The following B3GALNT1 variants were observed in gnomAD, a reference collection of about 807,000 sequenced individuals.
B3GALNT1 encodes the protein beta-1,3-N-acetylgalactosaminyltransferase 1 (Globoside blood group), also known as UDP-GalNAc:beta-1,3-N-acetylgalactosaminyltransferase 1.
A neutral mutation model predicts 27.3 loss-of-function variants in B3GALNT1; 17 were observed. That is an observed-to-expected ratio of 0.62 (90% CI 0.43 to 0.94). The LOEUF (loss-of-function observed/expected upper bound fraction) is 0.94, where lower values mean the gene tolerates loss of function less well. Ranked by LOEUF, B3GALNT1 falls within the 40% of genes least tolerant of loss-of-function variation. The pLI is 0.00. For missense variants in B3GALNT1, 347 were observed against 390.0 expected (o/e 0.89, Z 0.93); for synonymous variants, 141 against 144.0 (o/e 0.98, Z 0.15).
At position 161,085,689 on chromosome 3, in the gene B3GALNT1, A is replaced by G; in HGVS notation, c.*70T>C. 6.4e-7 allele frequency: 1 copy of G among 1,568,280 alleles called. No homozygotes were observed. Among genetic ancestry groups the G allele is most frequent in the South Asian group, 1.1e-5 (1 of 89,658 alleles). ...ACACTGACCTCCCCATGAATTTTCCACAGTACCTACTTTATTTAACACTTT... is the reference window on the plus strand; with the variant it reads ...ACACTGACCTCCCCATGAATTTTCCGCAGTACCTACTTTATTTAACACTTT... On this transcript the variant is annotated 3_prime_UTR_variant, in exon 5 of 5. Transcript: ENST00000320474.
At chr3:161,091,348 C>A (rs149220050) in intron 4 of B3GALNT1, among the ~76,000 whole-genome samples, 2 of 152,256 alleles carry the variant, frequency 1.3e-5, no homozygotes, top group East Asian at 3.9e-4. Context: ...CCTGCAGTTT[C>A]CTGGCCCATA....
chr3:161,101,259 T>C, intron 3 of B3GALNT1, 26 bp from the exon 4 acceptor site: 1 of 1,274,900 alleles, frequency 7.8e-7, no homozygotes, highest in Middle Eastern at 2.1e-4. Flanking sequence ...GATCACAAAG[T>C]CAGGCAGAAC....
intron 3 of B3GALNT1, among the ~76,000 whole-genome samples, chr3:161,101,492 T>C (rs1359320203): frequency 6.6e-6 from 1 of 152,214 alleles, no homozygotes; most frequent in Non-Finnish European, 1.5e-5. Flanking sequence ...TTCAGTGTTC[T>C]GGACCTGTGT....
At chr3:161,101,356 C>T (rs1731171193) in intron 3 of B3GALNT1, 123 bp from the exon 4 acceptor site, 1 of 465,942 alleles carries the variant, frequency 2.1e-6, no homozygotes, top group East Asian at 7.0e-5. Context: ...TATCGGGGAG[C>T]TGCTGCAGTT....
chr3:161,088,653 C>T (rs1723344006), intron 4 of B3GALNT1, among the ~76,000 whole-genome samples: 1 of 152,166 alleles, frequency 6.6e-6, no homozygotes, highest in Non-Finnish European at 1.5e-5. Flanking sequence ...GGCTACTGGG[C>T]ACTACGCAAC....
At chr3:161,094,730 G>A (rs1315896532) in intron 4 of B3GALNT1, among the ~76,000 whole-genome samples, 1 of 151,994 alleles carries the variant, frequency 6.6e-6, no homozygotes, top group Non-Finnish European at 1.5e-5. Flanking sequence ...TCCCAGGCTG[G>A]ACAGCAGTGG....
Position 161,104,360 on chromosome 3 carries a change from C to T in B3GALNT1, c.-262G>A. On this transcript the variant is annotated 5_prime_UTR_variant, in exon 2 of 5. Coordinates refer to ENST00000320474, the MANE Select transcript of B3GALNT1 (RefSeq NM_003781.4). Reference sequence around the variant, plus strand: ...AAAGACATGGTTTGGCAATTTCTTCCTTGATAGCTTTTCCCACAACGCAGC... The same window carrying T: ...AAAGACATGGTTTGGCAATTTCTTCTTTGATAGCTTTTCCCACAACGCAGC... 2 of 1,289,644 alleles carry T rather than the reference C, an allele frequency of 1.6e-6. No homozygotes were observed. Among genetic ancestry groups the T allele is most frequent in the Non-Finnish European group, 1.0e-6 (1 of 988,824 alleles). 79.9% of individuals were successfully genotyped at this position (1,289,644 alleles called of 1,614,324 possible). A position where few individuals can be genotyped will look rare whatever the true frequency, so the allele number is the denominator to read the frequency against.
intron 4 of B3GALNT1, chr3:161,090,000 C>T (rs1206406543): frequency 3.2e-5 from 8 of 248,986 alleles, no homozygotes; most frequent in South Asian, 1.1e-4. Flanking sequence ...ACCTGAGAGA[C>T]GGAGATTGCA....
At chr3:161,095,430 A>G (rs1727594539) in intron 4 of B3GALNT1, among the ~76,000 whole-genome samples, 1 of 152,362 alleles carries the variant, frequency 6.6e-6, no homozygotes, top group South Asian at 2.1e-4. Flanking sequence ...TAGCAAGTTT[A>G]GGGCACAGGT....
At chr3:161,093,433 G>A (rs985149018) in intron 4 of B3GALNT1, among the ~76,000 whole-genome samples, 5 of 152,098 alleles carry the variant, frequency 3.3e-5, no homozygotes, top group African/African-American at 7.2e-5. Flanking sequence ...CAGAGATCTC[G>A]GATTGGCTCA....
chr3:161,092,055 C>T (rs1276468173), intron 4 of B3GALNT1, among the ~76,000 whole-genome samples: 9 of 152,178 alleles, frequency 5.9e-5, no homozygotes, highest in Non-Finnish European at 1.0e-4. Context: ...AATAATTAAT[C>T]GTAACATCAT....
At chr3:161,091,488 G>A (rs956238734) in intron 4 of B3GALNT1, among the ~76,000 whole-genome samples, 3 of 152,098 alleles carry the variant, frequency 2.0e-5, no homozygotes, top group African/African-American at 7.2e-5. Context: ...ATCCTTCTCT[G>A]TCTCAGGTAG....
Position 161,085,623 on chromosome 3 carries a change from A to G in B3GALNT1, c.*136T>C. On this transcript the variant is annotated 3_prime_UTR_variant, in exon 5 of 5. Transcript: ENST00000320474. ...TCACAAGTGTAACCCTCCAGTCTCC[A>G]GTCTGGGTTTTTCATGAGTTTCAGT... 4 of 874,962 alleles carry G rather than the reference A, an allele frequency of 4.6e-6. No homozygotes were observed. The highest frequency in any genetic ancestry group is 7.5e-6 in the Non-Finnish European group (4 of 532,414). 54.2% of individuals were successfully genotyped at this position (874,962 alleles called of 1,614,324 possible). A position where few individuals can be genotyped will look rare whatever the true frequency, so the allele number is the denominator to read the frequency against.
In B3GALNT1 at chr3:161,086,774, CGCGA is replaced by C. The variant is rs1559969575; in HGVS notation, c.-24_-21del. On this transcript the variant is annotated 5_prime_UTR_variant, in exon 5 of 5. Coordinates refer to ENST00000320474, the MANE Select transcript of B3GALNT1 (RefSeq NM_003781.4). ...GGCCATCCACAGCAGCTCAGAAGCA[CGCGA>C]GCCGAAGGTTCTGGAAGAGTTATCA... 1.9e-6 allele frequency: 3 copies of C among 1,613,178 alleles called. No homozygotes were observed. The highest frequency in any genetic ancestry group is 1.7e-6 in the Non-Finnish European group (2 of 1,179,692).
chr3:161,103,293 A>C, intron 3 of B3GALNT1, 134 bp downstream of exon 3: 1 of 242,380 alleles, frequency 4.1e-6, no homozygotes, highest in Non-Finnish European at 8.3e-6. Context: ...AAATCCTCTG[A>C]TGAAAGAATC....
At chr3:161,089,485 A>G (rs1723787166) in intron 4 of B3GALNT1, among the ~76,000 whole-genome samples, 1 of 152,256 alleles carries the variant, frequency 6.6e-6, no homozygotes, top group African/African-American at 2.4e-5. Context: ...AGTATATTTT[A>G]ACAAAGAGAT....
At chr3:161,099,797 TCCC>T (rs1184048470) in intron 4 of B3GALNT1, among the ~76,000 whole-genome samples, 3 of 151,072 alleles carry the variant, frequency 2.0e-5, no homozygotes, top group South Asian at 2.1e-4. Context: ...CTAGATTGTG[TCCC>T]CCTTCTCTAA....
intron 4 of B3GALNT1, among the ~76,000 whole-genome samples, chr3:161,100,627 G>A (rs1007298128): frequency 1.3e-5 from 2 of 152,188 alleles, no homozygotes; most frequent in African/African-American, 4.8e-5. Context: ...ATCTCTGATA[G>A]ACTTCTGGGT....
intron 4 of B3GALNT1, among the ~76,000 whole-genome samples, chr3:161,095,612 G>A (rs1394076661): frequency 2.0e-5 from 3 of 152,184 alleles, no homozygotes; most frequent in Admixed American, 1.3e-4. Context: ...ACTGACCCCT[G>A]TAAGGAAGAG....
Sources: gnomAD v4.1 joint callset for allele counts (sites outside exome capture counted in the v4.1 genomes callset) on GRCh38, gnomAD v4.1.1 for gene constraint, MANE v1.5 for transcripts, NCBI Gene and HGNC (gene_info 2026-07-23, HGNC 2026-07-21) for gene names.